AUTS2: variants seen among roughly 807,000 people sequenced by gnomAD.
The protein encoded by AUTS2 is autism susceptibility gene 2 protein.
AUTS2 carries 17 observed loss-of-function variants against 112.4 expected under a neutral mutation model. The observed-to-expected ratio is 0.15, with a 90% CI of 0.10 to 0.23. AUTS2 has a LOEUF of 0.23. Among genes scored for constraint, AUTS2 ranks in the 10% least tolerant of loss-of-function variants. The pLI is 1.00. For missense variants in AUTS2, 1,510 were observed against 1,701.6 expected (o/e 0.89, Z 1.98); for synonymous variants, 751 against 702.7 (o/e 1.07, Z -1.09).
chr7:70,608,718 CCTGGTGTA>C (rs1803916032), intron 5 of AUTS2, among the ~76,000 whole-genome samples: 1 of 152,050 alleles, frequency 6.6e-6, no homozygotes, highest in South Asian at 2.1e-4. Context: ...TGGACAATCC[CCTGGTGTA>C]CTGCTCAGTG....
chr7:70,115,675 T>G (rs1186694718), intron 2 of AUTS2, among the ~76,000 whole-genome samples: 47 of 152,360 alleles, frequency 3.1e-4, no homozygotes, highest in Non-Finnish European at 1.5e-5. Context: ...TAGTTCTACC[T>G]GCCCTTACTT....
At chr7:70,190,384 T>C (rs1321886761) in intron 4 of AUTS2, among the ~76,000 whole-genome samples, 2 of 152,356 alleles carry the variant, frequency 1.3e-5, no homozygotes, top group South Asian at 2.1e-4. Flanking sequence ...AAAACTGTCT[T>C]TTTCCTGCCA....
intron 3 of AUTS2, among the ~76,000 whole-genome samples, chr7:70,128,181 C>T (rs12698854): frequency 0.1 from 15,450 of 152,166 alleles, 841 homozygotes; most frequent in Admixed American, 0.13. Context: ...ATGCCTTTTT[C>T]CATTCCTGTC....
At chr7:70,124,841 G>A (rs1018788245) in intron 3 of AUTS2, among the ~76,000 whole-genome samples, 7 of 152,196 alleles carry the variant, frequency 4.6e-5, no homozygotes, top group East Asian at 3.9e-4. Context: ...GATTGCAGGC[G>A]TGAGCCACCG....
intron 1 of AUTS2, among the ~76,000 whole-genome samples, chr7:69,731,069 G>A (rs550750209): frequency 1.3e-5 from 2 of 152,292 alleles, no homozygotes; most frequent in South Asian, 2.1e-4. Flanking sequence ...GCCAAGGTGG[G>A]AGGATCACTT....
At chr7:70,458,977 C>G (rs11769831) in intron 5 of AUTS2, among the ~76,000 whole-genome samples, 18,890 of 152,240 alleles carry the variant, frequency 0.12, 1,221 homozygotes, top group Middle Eastern at 0.17. Context: ...CGACCCGGGC[C>G]TCCTCAGAGA....
intron 6 of AUTS2, among the ~76,000 whole-genome samples, chr7:70,749,593 A>G (rs1287314946): frequency 6.6e-6 from 1 of 152,254 alleles, no homozygotes; most frequent in Non-Finnish European, 1.5e-5. Flanking sequence ...TGTGATAGCC[A>G]GAAAGCTACT....
At chr7:70,235,365 G>C (rs1246139812) in intron 4 of AUTS2, among the ~76,000 whole-genome samples, 1 of 151,356 alleles carries the variant, frequency 6.6e-6, no homozygotes, top group Admixed American at 6.6e-5. Context: ...CTTGAACTCC[G>C]GGCCTCAAGT....
At chr7:70,747,523 A>G (rs921150014) in intron 6 of AUTS2, among the ~76,000 whole-genome samples, 13 of 152,176 alleles carry the variant, frequency 8.5e-5, no homozygotes, top group Non-Finnish European at 1.2e-4. Flanking sequence ...CAATGGCGCA[A>G]TCTCAGCTCA....
At chr7:69,718,034 A>G (rs185057978) in intron 1 of AUTS2, among the ~76,000 whole-genome samples, 1 of 152,304 alleles carries the variant, frequency 6.6e-6, no homozygotes, top group Non-Finnish European at 1.5e-5. Context: ...GGCATAACAT[A>G]TGGCATATAA....
At chr7:70,510,836 A>T (rs905416663) in intron 5 of AUTS2, among the ~76,000 whole-genome samples, 2 of 151,718 alleles carry the variant, frequency 1.3e-5, no homozygotes, top group Admixed American at 1.3e-4. Flanking sequence ...TAATTTATTT[A>T]TTTTTATTTA....
At chr7:69,672,076 G>T (rs10452735) in intron 1 of AUTS2, among the ~76,000 whole-genome samples, 14,637 of 147,060 alleles carry the variant, frequency 0.1, 1,112 homozygotes, top group African/African-American at 0.22. Flanking sequence ...TTTTTTTTTT[G>T]GAAATGGAGT....
intron 4 of AUTS2, among the ~76,000 whole-genome samples, chr7:70,327,851 T>A (rs1790562032): frequency 6.6e-6 from 1 of 152,216 alleles, no homozygotes; most frequent in Non-Finnish European, 1.5e-5. Context: ...ATCTAGATAG[T>A]CATCAACATG....
chr7:69,687,060 C>G (rs531691708), intron 1 of AUTS2, among the ~76,000 whole-genome samples: 1 of 152,268 alleles, frequency 6.6e-6, no homozygotes, highest in Admixed American at 6.5e-5. Flanking sequence ...CTTATTCTAT[C>G]TATGTCTTCT....
At chr7:70,281,873 A>G (rs1342134223) in intron 4 of AUTS2, among the ~76,000 whole-genome samples, 1 of 152,238 alleles carries the variant, frequency 6.6e-6, no homozygotes, top group Non-Finnish European at 1.5e-5. Context: ...AAGCCAGAAC[A>G]GCAGTCTACT....
chr7:69,646,998 G>A (rs1189425681), intron 1 of AUTS2, among the ~76,000 whole-genome samples: 1 of 152,220 alleles, frequency 6.6e-6, no homozygotes, highest in Non-Finnish European at 1.5e-5. Flanking sequence ...TGAGGCAGGA[G>A]AATGGCGTGA....
At chr7:69,789,385 C>T (rs1260072505) in intron 1 of AUTS2, among the ~76,000 whole-genome samples, 4 of 152,134 alleles carry the variant, frequency 2.6e-5, no homozygotes, top group East Asian at 1.9e-4. Context: ...TGAATCAGTG[C>T]GTTAGATGAT....
intron 1 of AUTS2, among the ~76,000 whole-genome samples, chr7:69,705,119 G>C (rs989320361): frequency 6.6e-6 from 1 of 152,122 alleles, no homozygotes; most frequent in Non-Finnish European, 1.5e-5. Context: ...TGCCTGCCTC[G>C]GCCTCCCACA....
Position 69,723,295 on chromosome 7 carries a change from A to G in AUTS2, c.309+123333A>G, listed in dbSNP as rs138051027. Reference sequence around the variant, plus strand: ...TTAGGAAGTTTGAGCAACCTTACATATTGGAATTCTTTCCTCTTTTTGAGA... The same window carrying G: ...TTAGGAAGTTTGAGCAACCTTACATGTTGGAATTCTTTCCTCTTTTTGAGA... On this transcript the variant is annotated intron_variant, in intron 1 of 18. Coordinates refer to ENST00000342771, the MANE Select transcript of AUTS2 (RefSeq NM_015570.4). Among the ~76,000 whole-genome samples, 63 of 152,210 alleles carry G rather than the reference A, an allele frequency of 4.1e-4. 1 individual carries two copies. The East Asian group carries it at 0.011, about 27-fold the overall frequency.
Sources: allele counts gnomAD v4.1 joint callset (sites outside exome capture counted in the v4.1 genomes callset), GRCh38; gene constraint gnomAD v4.1.1; transcripts MANE v1.5; gene names NCBI Gene and HGNC (gene_info 2026-07-23, HGNC 2026-07-21).